Variants in DNAJC1 observed in about 807,000 individuals in gnomAD.
The protein encoded by DNAJC1 is dnaJ homolog subfamily C member 1.
DNAJC1 carries 58 observed loss-of-function variants against 76.6 expected under a neutral mutation model. That is an observed-to-expected ratio of 0.76 (90% CI 0.61 to 0.94). DNAJC1 has a LOEUF of 0.94. Ranked by LOEUF, DNAJC1 falls within the 40% of genes least tolerant of loss-of-function variation. The pLI, the probability that DNAJC1 is intolerant of heterozygous loss-of-function variation, is 0.00. For missense variants in DNAJC1, 689 were observed against 677.3 expected (o/e 1.02, Z -0.19); for synonymous variants, 258 against 267.9 (o/e 0.96, Z 0.36).
intron 8 of DNAJC1, among the ~76,000 whole-genome samples, chr10:21,841,864 T>C (rs954890766): frequency 3.3e-5 from 5 of 151,944 alleles, no homozygotes; most frequent in Non-Finnish European, 7.4e-5. Flanking sequence ...CCAACAATGA[T>C]AGACTGGATG....
chr10:21,759,210 C>T lies in DNAJC1; in HGVS notation c.1556G>A (p.Arg519His), dbSNP rs1047566210. 17 of 1,614,026 alleles carry T rather than the reference C, an allele frequency of 1.1e-5. No individual in the cohort carries two copies. Among genetic ancestry groups the T allele is most frequent in the East Asian group, 2.2e-5 (1 of 44,890 alleles). Residue 519 changes from arginine to histidine, a missense_variant, in exon 11 of 12, where the codon CGC becomes CAC. By Grantham distance (29) the Arg-to-His change is conservative. Coordinates refer to ENST00000376980, the MANE Select transcript of DNAJC1 (RefSeq NM_022365.4). ...LQQYPRGSSD[R>H]WDKIARCVPS... ...GACACATCTGGCTATTTTGTCCCAG[C>T]GGTCAGAGGATCCCCTTGGGTACTG...
At chr10:21,840,786 G>A (rs1243727884) in intron 8 of DNAJC1, among the ~76,000 whole-genome samples, 2 of 152,244 alleles carry the variant, frequency 1.3e-5, no homozygotes, top group East Asian at 1.9e-4. Flanking sequence ...AAAAGAGCCT[G>A]CATCGCCAAG....
chr10:21,863,137 AAAAC>A (rs775643771), intron 8 of DNAJC1, among the ~76,000 whole-genome samples: 84 of 152,202 alleles, frequency 5.5e-4, no homozygotes, highest in Admixed American at 1.5e-3. Flanking sequence ...CGTCTCAGAA[AAAAC>A]AAACAAACAA....
At chr10:22,001,281 A>C (rs1281335915) in intron 1 of DNAJC1, among the ~76,000 whole-genome samples, 1 of 152,086 alleles carries the variant, frequency 6.6e-6, no homozygotes, top group Non-Finnish European at 1.5e-5. Context: ...CACATGAAAG[A>C]CCCTGGACAG....
intron 9 of DNAJC1, among the ~76,000 whole-genome samples, chr10:21,786,928 G>A (rs1834619024): frequency 6.6e-6 from 1 of 152,148 alleles, no homozygotes; most frequent in African/African-American, 2.4e-5. Flanking sequence ...AAAGGAGGGA[G>A]TATGTAATAA....
In DNAJC1 at chr10:21,834,995, G is replaced by A. The variant is rs181856221; in HGVS notation, c.979-28896C>T. Among the ~76,000 whole-genome samples, 263 of 152,290 alleles carry A rather than the reference G, an allele frequency of 1.7e-3. 2 individuals are homozygous for A. Among genetic ancestry groups the A allele is most frequent in the Non-Finnish European group, 1.8e-3 (124 of 68,022 alleles). ...AAGAGAGTAGTGGTTCTCCCAGCAC[G>A]CAGCTTGAGATCTGAGAATGGGCAG... On this transcript the variant is annotated intron_variant, in intron 8 of 11. Transcript: ENST00000376980.
chr10:21,766,032 G>A (rs1471226313), intron 10 of DNAJC1, among the ~76,000 whole-genome samples: 1 of 152,128 alleles, frequency 6.6e-6, no homozygotes, highest in African/African-American at 2.4e-5. Flanking sequence ...AAGACGATCT[G>A]TATACTTATT....
intron 6 of DNAJC1, among the ~76,000 whole-genome samples, chr10:21,906,670 T>C (rs1320675365): frequency 6.6e-6 from 1 of 152,138 alleles, no homozygotes; most frequent in African/African-American, 2.4e-5. Context: ...CCAGACTATC[T>C]GAATTAAGAA....
chr10:21,769,063 C>G (rs537668359), intron 9 of DNAJC1, among the ~76,000 whole-genome samples: 7 of 152,282 alleles, frequency 4.6e-5, no homozygotes, highest in East Asian at 1.9e-4. Context: ...CCTCCACTGG[C>G]CTCTCCTATA....
At chr10:21,838,503 T>G (rs1835511580) in intron 8 of DNAJC1, among the ~76,000 whole-genome samples, 1 of 152,168 alleles carries the variant, frequency 6.6e-6, no homozygotes, top group Non-Finnish European at 1.5e-5. Context: ...TGCAGGGTCC[T>G]CTGCCTAGGA....
intron 8 of DNAJC1, among the ~76,000 whole-genome samples, chr10:21,840,575 A>G (rs953158502): frequency 5.9e-5 from 9 of 152,210 alleles, no homozygotes; most frequent in African/African-American, 2.2e-4. Context: ...AAGGAGAACT[A>G]CAAACCACTG....
chr10:21,975,742 G>A (rs1350904744), intron 1 of DNAJC1, among the ~76,000 whole-genome samples: 3 of 152,170 alleles, frequency 2.0e-5, no homozygotes, highest in African/African-American at 7.2e-5. Context: ...CAAATTCCAT[G>A]AAGCACATTA....
At chr10:21,964,669 A>G (rs1837859244) in intron 1 of DNAJC1, among the ~76,000 whole-genome samples, 1 of 149,798 alleles carries the variant, frequency 6.7e-6, no homozygotes, top group Non-Finnish European at 1.5e-5. Context: ...TTCTCCCTGA[A>G]GTTTAGTCTT....
chr10:21,867,588 C>A (rs1191930482), intron 8 of DNAJC1, among the ~76,000 whole-genome samples: 1 of 152,108 alleles, frequency 6.6e-6, no homozygotes, highest in Admixed American at 6.5e-5. Context: ...ATTGAAATAG[C>A]TGCAGCTAGG....
At chr10:21,883,767 G>A (rs1475130874) in intron 7 of DNAJC1, among the ~76,000 whole-genome samples, 1 of 152,152 alleles carries the variant, frequency 6.6e-6, no homozygotes, top group Non-Finnish European at 1.5e-5. Flanking sequence ...CATTATGAGG[G>A]AGTATCCTAC....
chr10:21,967,081 C>T (rs1837905879), intron 1 of DNAJC1, among the ~76,000 whole-genome samples: 1 of 149,162 alleles, frequency 6.7e-6, no homozygotes, highest in African/African-American at 2.5e-5. Context: ...AATTTACACA[C>T]AATTCACCTA....
chr10:21,918,919 T>C (rs1836996651), intron 5 of DNAJC1, 47 bp from the exon 6 acceptor site: 4 of 1,373,790 alleles, frequency 2.9e-6, no homozygotes, highest in Non-Finnish European at 4.1e-6. Flanking sequence ...ATGAGGAATA[T>C]ACAGAGAAAG....
chr10:21,833,272 C>A (rs1835391152), intron 8 of DNAJC1, among the ~76,000 whole-genome samples: 1 of 152,024 alleles, frequency 6.6e-6, no homozygotes, highest in Non-Finnish European at 1.5e-5. Flanking sequence ...GAGTTTGAGA[C>A]CAGCCTGGCC....
At chr10:21,778,278 T>C (rs7895753) in intron 9 of DNAJC1, among the ~76,000 whole-genome samples, 5,664 of 152,284 alleles carry the variant, frequency 0.037, 181 homozygotes, top group African/African-American at 0.075. Context: ...AGTCATATAC[T>C]GGAGTCAGAA....
Sources: gnomAD v4.1 joint callset for allele counts (sites outside exome capture counted in the v4.1 genomes callset) on GRCh38, gnomAD v4.1.1 for gene constraint, MANE v1.5 for transcripts, NCBI Gene and HGNC (gene_info 2026-07-23, HGNC 2026-07-21) for gene names.